The following CCNL1 variants were observed in gnomAD, a reference collection of about 807,000 sequenced individuals.
CCNL1 encodes the protein cyclin-L1.
A neutral mutation model predicts 60.6 loss-of-function variants in CCNL1; 13 were observed. The ratio of observed to expected loss-of-function variants is 0.21; its 90% CI spans 0.14 to 0.34. CCNL1 has a LOEUF of 0.34. Among genes scored for constraint, CCNL1 ranks in the 10% least tolerant of loss-of-function variants. CCNL1 has a pLI of 1.00. For missense variants in CCNL1, 481 were observed against 664.3 expected, an observed-to-expected ratio of 0.72 and a Z score of 3.03; for synonymous variants, 270 against 244.3, an observed-to-expected ratio of 1.10 and a Z score of -0.98.
In CCNL1 at chr3:157,149,358, T is replaced by G. The variant is rs756668499; in HGVS notation, c.1161A>C (p.Arg387Ser). Residue 387 changes from arginine to serine, a missense_variant, in exon 10 of 11, where the codon AGA becomes AGC. Around this residue, in one of 5 missense-constraint regions of CCNL1, gnomAD observed 197 missense variants for 233.9 expected, o/e 0.84. Coordinates refer to ENST00000295926, the MANE Select transcript of CCNL1 (RefSeq NM_020307.4). The stretch of plus-strand genomic sequence containing the variant: ...TCGATCGACTTGCACTTCTGCTATT[T>G]CTACTTCTCTTGCTGTCTTTTCTTA... ...NGVRKDSKRSRNSRSASRSRS... is the reference protein window; with the variant it reads ...NGVRKDSKRSSNSRSASRSRS... 2 of 1,614,102 alleles carry G rather than the reference T, an allele frequency of 1.2e-6. No homozygotes were observed. Among genetic ancestry groups the G allele is most frequent in the Non-Finnish European group, 1.7e-6 (2 of 1,179,968 alleles).
downstream of CCNL1, among the ~76,000 whole-genome samples, chr3:157,143,686 T>C (rs140428511): frequency 1.0e-3 from 155 of 152,284 alleles, 1 homozygote; most frequent in Non-Finnish European, 1.5e-3. Context: ...TAGAGGTGTT[T>C]AGAGAGGCTT....
rs753061422 is a variant in CCNL1 at position 157,153,174 on chromosome 3, T to TA, written c.489-19dup. 2 of 1,594,220 alleles carry TA rather than the reference T, an allele frequency of 1.3e-6. No homozygotes were observed. The highest frequency in any genetic ancestry group is 1.7e-6 in the Non-Finnish European group (2 of 1,173,602). ...TTGGAGTCCTATAGTTTGTAAGAAA[T>TA]AAAATCAAAACTGTTTTGCACATCC... On this transcript the variant is annotated intron_variant, in intron 3 of 10. Transcript: ENST00000295926.
chr3:157,145,414 GGAGACA>G (rs1459301656), downstream of CCNL1, among the ~76,000 whole-genome samples: 1 of 110,346 alleles, frequency 9.1e-6, no homozygotes, highest in East Asian at 3.0e-4. Context: ...CTCCAGCCTG[GGAGACA>G]GAGCGAGACT....
downstream of CCNL1, among the ~76,000 whole-genome samples, chr3:157,144,337 G>C (rs1434750350): frequency 6.6e-6 from 1 of 152,192 alleles, no homozygotes; most frequent in East Asian, 1.9e-4. Flanking sequence ...GAATATTTGA[G>C]TGCGTTCCAA....
intron 3 of CCNL1, among the ~76,000 whole-genome samples, chr3:157,157,945 T>C (rs1479347628): frequency 1.3e-5 from 2 of 152,222 alleles, no homozygotes; most frequent in African/African-American, 2.4e-5. Context: ...GAACAACTTA[T>C]AATCCTTTTA....
Position 157,148,556 on chromosome 3 carries a change from G to A in CCNL1, c.1266C>T (p.Tyr422=). The part of the protein sequence containing the change: ...YNNRRSRSGT[Y]SSRSRSRSRS... ...GGGACCTGCTTCTTGATCTCGAGCT[G>A]TATGTTCCAGATCGACTCCGCCTAT... Residue 422 remains tyrosine (Y), a synonymous_variant, in exon 11 of 11, where the codon TAC becomes TAT. Transcript: ENST00000295926. 7 of 1,613,330 alleles carry A rather than the reference G, an allele frequency of 4.3e-6. No individual in the cohort carries two copies. The highest frequency in any genetic ancestry group is 5.9e-6 in the Non-Finnish European group (7 of 1,179,738).
At chr3:157,145,461 AAAACCAAAAC>A (rs1737754689), downstream of CCNL1, among the ~76,000 whole-genome samples, 5 of 148,300 alleles carry the variant, frequency 3.4e-5, no homozygotes, top group South Asian at 2.1e-4. Context: ...AAAAAAAAAA[AAAACCAAAAC>A]GGGATTTAAT....
intron 4 of CCNL1, 39 bp from the exon 5 acceptor site, chr3:157,152,280 G>T (rs1160494762): frequency 5.0e-6 from 8 of 1,585,080 alleles, no homozygotes; most frequent in Non-Finnish European, 6.8e-6. Context: ...CAGTATACTG[G>T]TAGTTCTTTC....
At chr3:157,143,260 G>C (rs183473206), downstream of CCNL1, among the ~76,000 whole-genome samples, 138 of 152,296 alleles carry the variant, frequency 9.1e-4, no homozygotes, top group African/African-American at 3.2e-3. Context: ...GTGCAGGCCA[G>C]GATTTGGCTC....
downstream of CCNL1, among the ~76,000 whole-genome samples, chr3:157,144,600 G>A (rs1737728842): frequency 6.6e-6 from 1 of 152,230 alleles, no homozygotes; most frequent in Non-Finnish European, 1.5e-5. Context: ...GTGGCTTCCA[G>A]CCTTAGAGTG....
intron 5 of CCNL1, chr3:157,150,659 T>C (rs1323067634): frequency 2.7e-6 from 3 of 1,130,102 alleles, no homozygotes; most frequent in African/African-American, 1.6e-5. Context: ...AAAGTTAATA[T>C]ATTTCTGTAA....
intron 1 of CCNL1, 113 bp from the exon 2 acceptor site, chr3:157,159,592 CTG>C: frequency 9.1e-7 from 1 of 1,099,412 alleles, no homozygotes; most frequent in African/African-American, 1.6e-5. Context: ...GCCGCCGCCG[CTG>C]CGAACAGCCC....
Position 157,160,044 on chromosome 3 carries a change from C to T in CCNL1, c.51G>A (p.Ser17=). 1 of 1,564,340 alleles carries T rather than the reference C, an allele frequency of 6.4e-7. No individual in the cohort carries two copies. The highest frequency in any genetic ancestry group is 8.7e-7 in the Non-Finnish European group (1 of 1,154,644). Residue 17 remains serine (S), a synonymous_variant, in exon 1 of 11, where the codon TCG becomes TCA. Coordinates refer to ENST00000295926, the MANE Select transcript of CCNL1 (RefSeq NM_020307.4). ...TGGAGCCGCCCGCGCTTGGGGCGGC[C>T]GATGAGGCGGCTGCGGCAGCAGTAG... ...STATAAAAAS[S]AAPSAGGSSS...
intron 5 of CCNL1, 158 bp from the exon 6 acceptor site, chr3:157,150,539 T>A: frequency 7.3e-7 from 1 of 1,377,554 alleles, no homozygotes; most frequent in Non-Finnish European, 9.4e-7. Flanking sequence ...CTCAAAAAAA[T>A]CAGTAAGCAA....
intron 3 of CCNL1, chr3:157,158,574 C>G (rs573018320): frequency 4.5e-6 from 1 of 223,766 alleles, no homozygotes; most frequent in East Asian, 1.3e-4. Context: ...CACACTTGAG[C>G]CAAATGTACT....
intron 1 of CCNL1, 97 bp from the exon 2 acceptor site, chr3:157,159,576 C>CCCG (rs551462899): frequency 2.3e-4 from 270 of 1,177,198 alleles, no homozygotes; most frequent in African/African-American, 7.2e-4. Context: ...CCTTTCCCCT[C>CCCG]CCGCCGCCGC....
At position 157,152,453 on chromosome 3, in the gene CCNL1, C is replaced by T. The variant is rs577565101; in HGVS notation, c.610-212G>A. ...TTTAGAAGCATATTTCAAAATTGTA[C>T]AGGAAAAAAGGCAATTAAAAGAATA... is the stretch of plus-strand genomic sequence containing the variant. On this transcript the variant is annotated intron_variant, in intron 4 of 10. Transcript: ENST00000295926. 21 of 1,261,028 alleles carry T rather than the reference C, an allele frequency of 1.7e-5. No individual in the cohort carries two copies. In the African/African-American group the frequency reaches 2.8e-4, roughly 17 times the overall value. 78.1% of individuals were successfully genotyped at this position (1,261,028 alleles called of 1,614,324 possible).
At chr3:157,156,107 G>A (rs896082021) in intron 3 of CCNL1, among the ~76,000 whole-genome samples, 2 of 152,164 alleles carry the variant, frequency 1.3e-5, no homozygotes, top group Admixed American at 1.3e-4. Flanking sequence ...AACATGGTTA[G>A]TTTCATTTAT....
At chr3:157,159,512 G>T in intron 1 of CCNL1, 33 bp from the exon 2 acceptor site, 1 of 1,588,390 alleles carries the variant, frequency 6.3e-7, no homozygotes, top group Non-Finnish European at 8.6e-7. Context: ...GAAGCGCAGG[G>T]GTCAGGCGGG....
Sources: allele counts gnomAD v4.1 joint callset (sites outside exome capture counted in the v4.1 genomes callset), GRCh38; gene constraint gnomAD v4.1.1; regional missense constraint gnomAD v4.1.1; transcripts MANE v1.5; gene names NCBI Gene and HGNC (gene_info 2026-07-23, HGNC 2026-07-21).